FBP2: variants seen among roughly 807,000 people sequenced by gnomAD.
FBP2 encodes the protein fructose-bisphosphatase 2, also known as fructose-1,6-bisphosphatase isozyme 2.
In FBP2, 27 loss-of-function variants were observed where a neutral mutation model predicts 31.6. The observed-to-expected ratio is 0.85, with a 90% CI of 0.63 to 1.18. FBP2 has a LOEUF of 1.18. FBP2 is among the 50% of genes most tolerant of loss of function. The pLI, the probability that FBP2 is intolerant of heterozygous loss-of-function variation, is 0.00. For missense variants in FBP2, 421 were observed against 436.1 expected, an observed-to-expected ratio of 0.97 and a Z score of 0.31; for synonymous variants, 168 against 179.8, an observed-to-expected ratio of 0.93 and a Z score of 0.53.
intron 3 of FBP2, among the ~76,000 whole-genome samples, chr9:94,573,582 G>A (rs949780782): frequency 2.0e-5 from 3 of 152,108 alleles, no homozygotes; most frequent in African/African-American, 7.2e-5. Flanking sequence ...CAATAGATAC[G>A]ATTATGTGAT....
intron 1 of FBP2, among the ~76,000 whole-genome samples, chr9:94,590,162 A>C (rs990152259): frequency 3.3e-5 from 5 of 152,020 alleles, no homozygotes; most frequent in Admixed American, 1.3e-4. Context: ...AGTTCCCGGC[A>C]ATAGCTTCAC....
Position 94,567,378 on chromosome 9 carries a change from T to A in FBP2, c.597A>T (p.Lys199Asn). The A allele has an allele frequency of 1.2e-6, 2 of 1,613,858 alleles. No homozygotes were observed. The highest frequency in any genetic ancestry group is 1.7e-6 in the Non-Finnish European group (2 of 1,179,872). The change falls in exon 5 of 7, where the codon AAA (lysine) becomes AAT (asparagine). Residue 199 changes from lysine (K) to asparagine (N), a missense_variant. Transcript: ENST00000375337. The part of the protein sequence containing the change: ...PALGEFVLVE[K>N]DVKIKKKGKI... Reference sequence around the variant, plus strand: ...TTCCTTTCTTCTTAATCTTGACATCTTTTTCCACCAGGACAAATTCACCAA... The same window carrying A: ...TTCCTTTCTTCTTAATCTTGACATCATTTTCCACCAGGACAAATTCACCAA...
chr9:94,559,845 A>G (rs1381080245), intron 6 of FBP2, among the ~76,000 whole-genome samples: 2 of 152,162 alleles, frequency 1.3e-5, no homozygotes, highest in Admixed American at 1.3e-4. Flanking sequence ...TAGTGCCGAC[A>G]CAGAGAAAGT....
Position 94,592,362 on chromosome 9 carries a change from CT to C in FBP2, c.170+1194del. On this transcript the variant is annotated intron_variant, in intron 1 of 6. Coordinates refer to ENST00000375337, the MANE Select transcript of FBP2 (RefSeq NM_003837.4). ...TACATCTTGTAATCTAATGCTATCACTTTTTGTGTTAAAAGCACTTAATTGC... is the reference window on the plus strand; with the variant it reads ...TACATCTTGTAATCTAATGCTATCACTTTTGTGTTAAAAGCACTTAATTGC... Among the ~76,000 whole-genome samples, 4 of 152,300 alleles carry C rather than the reference CT, an allele frequency of 2.6e-5. 1 individual carries two copies. In the Middle Eastern group the frequency reaches 0.01, roughly 389 times the overall value.
At chr9:94,561,519 C>T (rs575592133) in intron 6 of FBP2, among the ~76,000 whole-genome samples, 33 of 152,150 alleles carry the variant, frequency 2.2e-4, no homozygotes, top group African/African-American at 7.9e-4. Context: ...CATGCCACCA[C>T]GCCTGGCTAA....
At chr9:94,560,426 C>T (rs1292057138) in intron 6 of FBP2, among the ~76,000 whole-genome samples, 1 of 152,158 alleles carries the variant, frequency 6.6e-6, no homozygotes, top group Non-Finnish European at 1.5e-5. Flanking sequence ...ACTCACAACA[C>T]ACACCCCCAT....
At position 94,571,460 on chromosome 9, in the gene FBP2, A is replaced by G; in HGVS notation, c.567+2T>C. The G allele has an allele frequency of 6.2e-7, 1 of 1,609,474 alleles. No individual in the cohort carries two copies. On this transcript the variant is annotated splice_donor_variant, in intron 4 of 6. Coordinates refer to ENST00000375337, the MANE Select transcript of FBP2 (RefSeq NM_003837.4). LOFTEE classifies it high-confidence loss of function. The stretch of plus-strand genomic sequence containing the variant: ...ACAGATGATGCCATATTCTGTACCT[A>G]CCGGGTCAAGCATGAAGAGGTCCAC...
At chr9:94,592,093 A>G (rs1337501623) in intron 1 of FBP2, among the ~76,000 whole-genome samples, 1 of 152,184 alleles carries the variant, frequency 6.6e-6, no homozygotes, top group Admixed American at 6.5e-5. Flanking sequence ...AGGGAGAGGC[A>G]AAGTCCCTGT....
At chr9:94,575,788 T>C (rs1228513945) in intron 3 of FBP2, among the ~76,000 whole-genome samples, 1 of 152,240 alleles carries the variant, frequency 6.6e-6, no homozygotes, top group East Asian at 1.9e-4. Flanking sequence ...TTTTTAGATT[T>C]AGCCACTCTG....
At chr9:94,573,586 A>T (rs2945797) in intron 3 of FBP2, among the ~76,000 whole-genome samples, 64,721 of 152,172 alleles carry the variant, frequency 0.43, 14,545 homozygotes, top group Admixed American at 0.52. Context: ...AGATACGATT[A>T]TGTGATTTTT....
Position 94,584,683 on chromosome 9 carries a change from GA to G in FBP2, c.334-15del, listed in dbSNP as rs754138508. ...CACGTATTTCCCCTAAATCAGAGAGGAAAGCACCAACTGATCAGCACATCTT... is the reference window on the plus strand; with the variant it reads ...CACGTATTTCCCCTAAATCAGAGAGGAAGCACCAACTGATCAGCACATCTT... On this transcript the variant is annotated splice_polypyrimidine_tract_variant and intron_variant, in intron 2 of 6. Coordinates refer to ENST00000375337, the MANE Select transcript of FBP2 (RefSeq NM_003837.4). 1.5e-4 allele frequency: 239 copies of G among 1,549,106 alleles called. 5 individuals are homozygous for G. In the South Asian group the frequency reaches 2.6e-3, roughly 17 times the overall value.
intron 6 of FBP2, among the ~76,000 whole-genome samples, chr9:94,561,630 A>G (rs887802598): frequency 2.6e-5 from 4 of 152,022 alleles, no homozygotes; most frequent in Admixed American, 6.6e-5. Flanking sequence ...CTCCCAAAGT[A>G]CTAGGATTAC....
intron 1 of FBP2, among the ~76,000 whole-genome samples, chr9:94,592,233 A>C (rs952061399): frequency 2.0e-5 from 3 of 152,190 alleles, no homozygotes; most frequent in African/African-American, 7.2e-5. Context: ...GAGCTGAAGC[A>C]TCCACCCACA....
intron 1 of FBP2, 67 bp from the exon 2 acceptor site, chr9:94,587,536 C>T: frequency 7.0e-7 from 1 of 1,435,380 alleles, no homozygotes; most frequent in South Asian, 1.2e-5. Flanking sequence ...GAGCCTGGGA[C>T]CCTAAAACGC....
intron 3 of FBP2, among the ~76,000 whole-genome samples, chr9:94,583,152 G>T (rs940258129): frequency 1.3e-5 from 2 of 152,120 alleles, no homozygotes; most frequent in African/African-American, 4.8e-5. Context: ...ACCATGCCCA[G>T]CCTGTTAAAT....
chr9:94,561,181 G>C (rs983960644), intron 6 of FBP2, among the ~76,000 whole-genome samples: 1 of 151,986 alleles, frequency 6.6e-6, no homozygotes, highest in South Asian at 2.1e-4. Context: ...TTATCCTGTT[G>C]AGTCAACTAC....
At chr9:94,593,456 A>G (rs971846577) in intron 1 of FBP2, 101 bp downstream of exon 1, 1 of 1,157,874 alleles carries the variant, frequency 8.6e-7, no homozygotes, top group Non-Finnish European at 1.2e-6. Flanking sequence ...CACAGGGCCA[A>G]TAAGCTTTGG....
chr9:94,562,697 G>A (rs1159241890), intron 6 of FBP2, among the ~76,000 whole-genome samples: 1 of 152,164 alleles, frequency 6.6e-6, no homozygotes, highest in Non-Finnish European at 1.5e-5. Context: ...AAATTCAGAT[G>A]CATTTTTATG....
chr9:94,559,103 C>T lies in FBP2; in HGVS notation c.855G>A (p.Val285=), dbSNP rs1299624593. 1.9e-6 allele frequency: 3 copies of T among 1,613,404 alleles called. No individual in the cohort carries two copies. In the African/African-American group the frequency reaches 4.0e-5, roughly 22 times the overall value. ...KLRLLYECNP[V]AYIIEQAGGL... ...CTCCTGCCTGCTCAATGATGTAGGCCACGGGATTGCATTCATACAGGAGCC... is the reference window on the plus strand; with the variant it reads ...CTCCTGCCTGCTCAATGATGTAGGCTACGGGATTGCATTCATACAGGAGCC... The change falls in exon 7 of 7, where the codon GTG becomes GTA. Residue 285 remains valine, a synonymous_variant. Transcript: ENST00000375337.
Sources: gnomAD v4.1 joint callset for allele counts (sites outside exome capture counted in the v4.1 genomes callset) on GRCh38, gnomAD v4.1.1 for gene constraint, MANE v1.5 for transcripts, NCBI Gene and HGNC (gene_info 2026-07-23, HGNC 2026-07-21) for gene names.